Variants in EEFSEC observed in about 807,000 individuals in gnomAD.
EEFSEC encodes selenocysteine-specific elongation factor.
Under a neutral mutation model 42.1 loss-of-function variants are expected in EEFSEC, and 43 were observed. That is an observed-to-expected ratio of 1.02 (90% confidence interval 0.80 to 1.32). EEFSEC has a LOEUF of 1.32. EEFSEC is among the 40% of genes most tolerant of loss of function. EEFSEC has a pLI of 0.00. For synonymous variants in EEFSEC, 354 were observed against 339.1 expected (o/e 1.04, Z -0.48); for missense variants, 745 against 803.6 (o/e 0.93, Z 0.88).
At chr3:128,168,135 C>T (rs946052454) in intron 1 of EEFSEC, among the ~76,000 whole-genome samples, 1 of 152,052 alleles carries the variant, frequency 6.6e-6, no homozygotes, top group African/African-American at 2.4e-5. Flanking sequence ...TTAAACTTGC[C>T]CCAGAGCTTG....
chr3:128,277,233 T>G (rs1366642588), intron 4 of EEFSEC, among the ~76,000 whole-genome samples: 1 of 152,202 alleles, frequency 6.6e-6, no homozygotes, highest in Non-Finnish European at 1.5e-5. Flanking sequence ...AAACTGAGTA[T>G]TTATAATTCT....
chr3:128,376,229 G>A (rs2067708301), intron 6 of EEFSEC, among the ~76,000 whole-genome samples: 1 of 152,078 alleles, frequency 6.6e-6, no homozygotes, highest in Non-Finnish European at 1.5e-5. Context: ...CACCAAGGAT[G>A]CACCCTTTTG....
At chr3:128,292,402 T>C (rs1559905932) in intron 4 of EEFSEC, among the ~76,000 whole-genome samples, 1 of 151,940 alleles carries the variant, frequency 6.6e-6, no homozygotes, top group African/African-American at 2.4e-5. Flanking sequence ...TATCACTTCT[T>C]GCTTTAAAGT....
In EEFSEC at chr3:128,388,701, C is replaced by T. The variant is rs1336501113; in HGVS notation, c.1601-19368C>T. ...CTCTTCGAGGCCTTCTCCTGGTCGA[C>T]TGTGTGCTTTCAGTGGTGCCGGCCA... is the stretch of plus-strand genomic sequence containing the variant. On this transcript the variant is annotated intron_variant, in intron 6 of 6. Coordinates refer to ENST00000254730, the MANE Select transcript of EEFSEC (RefSeq NM_021937.5). Among the ~76,000 whole-genome samples, 5 of 152,404 alleles carry T rather than the reference C, an allele frequency of 3.3e-5. No homozygotes were observed. The East Asian group carries it at 9.6e-4, about 29-fold the overall frequency.
intron 6 of EEFSEC, among the ~76,000 whole-genome samples, chr3:128,396,157 A>T (rs565838752): frequency 6.6e-6 from 1 of 152,220 alleles, no homozygotes; most frequent in East Asian, 1.9e-4. Flanking sequence ...GCACATGTGT[A>T]TCTGTGTGTG....
intron 6 of EEFSEC, among the ~76,000 whole-genome samples, chr3:128,391,125 C>G (rs2067907841): frequency 6.6e-6 from 1 of 152,256 alleles, no homozygotes; most frequent in African/African-American, 2.4e-5. Flanking sequence ...CAGCCCCGCC[C>G]CCGGTGCATG....
At position 128,182,737 on chromosome 3, in the gene EEFSEC, C is replaced by T. The variant is rs1352763292; in HGVS notation, c.316+28914C>T. Reference sequence around the variant, plus strand: ...CTGCTGGAACCTGGGTGTCCTCACACCCAGACCTGTGCAGTAGGGGTTAGG... The same window carrying T: ...CTGCTGGAACCTGGGTGTCCTCACATCCAGACCTGTGCAGTAGGGGTTAGG... On this transcript the variant is annotated intron_variant, in intron 1 of 6. Coordinates refer to ENST00000254730, the MANE Select transcript of EEFSEC (RefSeq NM_021937.5). Among the ~76,000 whole-genome samples the T allele has an allele frequency of 2.6e-5, 4 of 152,138 alleles. 1 individual carries two copies. Among genetic ancestry groups the T allele is most frequent in the Non-Finnish European group, 5.9e-5 (4 of 68,024 alleles).
intron 6 of EEFSEC, among the ~76,000 whole-genome samples, chr3:128,394,834 G>C (rs1175929608): frequency 6.6e-6 from 1 of 152,182 alleles, no homozygotes; most frequent in Non-Finnish European, 1.5e-5. Flanking sequence ...CCCCACAGGG[G>C]AGCAGAGGAC....
chr3:128,421,856 G>C, the EEFSEC span, among the ~76,000 whole-genome samples: 1 of 152,174 alleles, frequency 6.6e-6, no homozygotes, highest in Admixed American at 6.5e-5. Flanking sequence ...CCTGGAGCTG[G>C]GCTGGGCCCA....
chr3:128,384,324 C>A (rs532445351), intron 6 of EEFSEC, among the ~76,000 whole-genome samples: 4 of 152,236 alleles, frequency 2.6e-5, no homozygotes, highest in African/African-American at 9.6e-5. Context: ...GTTTCCCCTG[C>A]AGCAGCCTGA....
intron 4 of EEFSEC, among the ~76,000 whole-genome samples, chr3:128,278,433 A>T (rs1374284055): frequency 6.6e-6 from 1 of 152,194 alleles, no homozygotes; most frequent in Non-Finnish European, 1.5e-5. Flanking sequence ...ATCCAGAACA[A>T]TCTGGAGGGG....
chr3:128,249,943 C>G (rs376005508), intron 2 of EEFSEC, among the ~76,000 whole-genome samples: 2 of 152,048 alleles, frequency 1.3e-5, no homozygotes, highest in South Asian at 2.1e-4. Flanking sequence ...TCAGTACATC[C>G]TAGGAGGTAT....
At chr3:128,290,743 T>TTTTG (rs374027375) in intron 4 of EEFSEC, among the ~76,000 whole-genome samples, 16 of 152,062 alleles carry the variant, frequency 1.1e-4, no homozygotes, top group African/African-American at 3.4e-4. Flanking sequence ...TTTGGGGTTG[T>TTTTG]TTTGTTTGTT....
the EEFSEC span, among the ~76,000 whole-genome samples, chr3:128,413,769 A>T: frequency 6.6e-6 from 1 of 152,132 alleles, no homozygotes; most frequent in African/African-American, 2.4e-5. Context: ...AGGTCATTCC[A>T]TAGACTCGGC....
rs1341175069 is a variant in EEFSEC at position 128,355,923 on chromosome 3, G to C, written c.1444-2294G>C. On this transcript the variant is annotated intron_variant, in intron 5 of 6. Transcript: ENST00000254730. ...AGGGGCTGGAGTACAGGAAGAGGGA[G>C]CCATGGGCCACAGGGAACGCTGTAG... Among the ~76,000 whole-genome samples, 3 of 152,354 alleles carry C rather than the reference G, an allele frequency of 2.0e-5. No individual in the cohort carries two copies. In the East Asian group the frequency reaches 5.8e-4, roughly 29 times the overall value.
chr3:128,204,887 T>C (rs573146504), intron 1 of EEFSEC, among the ~76,000 whole-genome samples: 1 of 152,250 alleles, frequency 6.6e-6, no homozygotes, highest in South Asian at 2.1e-4. Flanking sequence ...AAAAGACTTA[T>C]TTACCTGGAT....
chr3:128,241,583 G>A (rs1238179532), intron 1 of EEFSEC, among the ~76,000 whole-genome samples: 4 of 152,146 alleles, frequency 2.6e-5, no homozygotes, highest in Non-Finnish European at 5.9e-5. Flanking sequence ...GAGCTCAAGT[G>A]ATCTGCCCAC....
chr3:128,408,090 A>G lies in EEFSEC; in HGVS notation c.1622A>G (p.Lys541Arg). 1 of 1,590,514 alleles carries G rather than the reference A, an allele frequency of 6.3e-7. No homozygotes were observed. The highest frequency in any genetic ancestry group is 1.8e-5 in the Admixed American group (1 of 56,872). Residue 541 changes from lysine (K) to arginine (R), a missense_variant, in exon 7 of 7, where the codon AAG (lysine) becomes AGG (arginine). Coordinates refer to ENST00000254730, the MANE Select transcript of EEFSEC (RefSeq NM_021937.5). ...HIPGGLSPES[K>R]KILTPALKKR... Reference sequence around the variant, plus strand: ...GCAGGTGGCCTCAGCCCCGAGTCCAAGAAGATCCTGACACCCGCCCTCAAG... The same window carrying G: ...GCAGGTGGCCTCAGCCCCGAGTCCAGGAAGATCCTGACACCCGCCCTCAAG...
chr3:128,378,582 G>A (rs1242806377), intron 6 of EEFSEC, among the ~76,000 whole-genome samples: 2 of 152,226 alleles, frequency 1.3e-5, no homozygotes, highest in African/African-American at 2.4e-5. Context: ...AGGAGTGTTT[G>A]TGGACAGTGG....
Sources: allele counts gnomAD v4.1 joint callset (sites outside exome capture counted in the v4.1 genomes callset), GRCh38; gene constraint gnomAD v4.1.1; transcripts MANE v1.5; gene names NCBI Gene and HGNC (gene_info 2026-07-23, HGNC 2026-07-21).